PCDH11X: variants seen among roughly 807,000 people sequenced by gnomAD.
PCDH11X encodes the protein protocadherin-11 X-linked.
Under a neutral mutation model 53.3 loss-of-function variants are expected in PCDH11X, and 18 were observed. The ratio of observed to expected loss-of-function variants is 0.34; its 90% CI spans 0.23 to 0.50. The LOEUF (loss-of-function observed/expected upper bound fraction) is 0.50, where lower values mean the gene tolerates loss of function less well. PCDH11X is among the 20% of genes least tolerant of loss of function. The pLI, the probability that PCDH11X is intolerant of heterozygous loss-of-function variation, is 0.98. For missense variants in PCDH11X, 570 were observed against 1,032.4 expected (o/e 0.55, Z 6.14); for synonymous variants, 279 against 393.3 (o/e 0.71, Z 3.44).
chrX:92,584,341 T>C (rs1312008654), intron 10 of PCDH11X, among the ~76,000 whole-genome samples: 2 of 111,341 alleles, frequency 1.8e-5, no homozygotes, highest in African/African-American at 6.5e-5. Flanking sequence ...TTTTGAAATA[T>C]TTAATAAAAT....
intron 7 of PCDH11X, among the ~76,000 whole-genome samples, chrX:92,238,938 A>T (rs979357516): frequency 3.6e-5 from 4 of 110,337 alleles, no homozygotes; most frequent in African/African-American, 1.3e-4. Flanking sequence ...GAGTCAATTT[A>T]TTTTTCATGT....
At chrX:92,273,175 G>A (rs6618938) in intron 8 of PCDH11X, among the ~76,000 whole-genome samples, 5,768 of 110,578 alleles carry the variant, frequency 0.052, 357 homozygotes, top group East Asian at 0.23. Flanking sequence ...GGCTGAGTCC[G>A]AAAAGAGAGT....
chrX:91,809,690 G>A (rs1178544788), intron 2 of PCDH11X, among the ~76,000 whole-genome samples, 56 bp downstream of exon 2: 1 of 104,373 alleles, frequency 9.6e-6, no homozygotes, highest in African/African-American at 3.5e-5. Context: ...TTCCTCAGTC[G>A]CACTAGCCAC....
chrX:92,317,711 T>C (rs2069110516), intron 8 of PCDH11X, among the ~76,000 whole-genome samples: 1 of 111,746 alleles, frequency 8.9e-6, no homozygotes, highest in Non-Finnish European at 1.9e-5. Flanking sequence ...TTTAGTGTAA[T>C]AGACAAGCTC....
intron 6 of PCDH11X, among the ~76,000 whole-genome samples, chrX:92,021,806 T>C (rs1475325366): frequency 9.2e-6 from 1 of 109,136 alleles, no homozygotes; most frequent in Non-Finnish European, 1.9e-5. Flanking sequence ...AAGCCCATCA[T>C]ACTAACAGCA....
chrX:92,050,492 C>G (rs1303734334), intron 6 of PCDH11X, among the ~76,000 whole-genome samples: 18 of 108,125 alleles, frequency 1.7e-4, no homozygotes, highest in Non-Finnish European at 3.1e-4. Context: ...AGTATGGATT[C>G]TGGAGCTAGA....
intron 4 of PCDH11X, among the ~76,000 whole-genome samples, chrX:91,822,745 A>G (rs906613484): frequency 1.4e-4 from 15 of 110,231 alleles, no homozygotes; most frequent in Non-Finnish European, 2.8e-4. Context: ...TTGCTTTTCT[A>G]GTTCTTTTAA....
chrX:92,234,681 G>A (rs1347027309), intron 7 of PCDH11X, among the ~76,000 whole-genome samples: 1 of 102,669 alleles, frequency 9.7e-6, no homozygotes, highest in African/African-American at 4.2e-5. Flanking sequence ...ATAATATAAA[G>A]GGTTTTATAC....
At chrX:92,136,977 C>T in intron 6 of PCDH11X, among the ~76,000 whole-genome samples, 2 of 98,156 alleles carry the variant, frequency 2.0e-5, no homozygotes. Flanking sequence ...ATTTTTGTTT[C>T]TTTTTTCTTT....
intron 10 of PCDH11X, among the ~76,000 whole-genome samples, chrX:92,562,561 AC>A (rs1464052473): frequency 9.4e-6 from 1 of 106,592 alleles, no homozygotes; most frequent in Non-Finnish European, 1.9e-5. Context: ...AAATTTTCAA[AC>A]TTTTACATTA....
chrX:91,807,456 T>TTG (rs1936157368), intron 1 of PCDH11X, among the ~76,000 whole-genome samples: 1 of 110,482 alleles, frequency 9.1e-6, no homozygotes, highest in Admixed American at 9.7e-5. Flanking sequence ...GAGGATGGTT[T>TTG]TGTGTGTGTG....
Position 91,879,309 on chromosome X carries a change from A to AT in PCDH11X, c.3033+43dup, listed in dbSNP as rs746151937. The AT allele has an allele frequency of 2.7e-3, 3,259 of 1,206,078 alleles. 4 individuals carry two copies. Among genetic ancestry groups the AT allele is most frequent in the Non-Finnish European group, 3.5e-3 (3,134 of 893,541 alleles). ...AAGTTTCTAACACAACTTTCTAACT[A>AT]TTTTTTTATTATTATTTTCAGTTGA... On this transcript the variant is annotated intron_variant, in intron 6 of 10. Transcript: ENST00000682573.
At chrX:92,126,333 G>C (rs910594958) in intron 6 of PCDH11X, among the ~76,000 whole-genome samples, 2 of 110,396 alleles carry the variant, frequency 1.8e-5, no homozygotes, top group East Asian at 5.8e-4. Context: ...TTCTCTCCCC[G>C]GGAGTGGTGG....
intron 6 of PCDH11X, among the ~76,000 whole-genome samples, chrX:91,997,450 AT>A (rs1332257074): frequency 1.8e-5 from 2 of 111,272 alleles, no homozygotes; most frequent in Non-Finnish European, 3.8e-5. Flanking sequence ...ATTTTATCAA[AT>A]TTTTTCTGCA....
intron 6 of PCDH11X, among the ~76,000 whole-genome samples, chrX:92,153,537 G>C (rs1467382772): frequency 9.0e-6 from 1 of 111,616 alleles, no homozygotes; most frequent in Non-Finnish European, 1.9e-5. Context: ...AGTGGTTTCA[G>C]ATATTTCTCC....
chrX:91,860,677 TG>T (rs1278201069), intron 5 of PCDH11X, among the ~76,000 whole-genome samples: 2 of 111,957 alleles, frequency 1.8e-5, no homozygotes, highest in Non-Finnish European at 3.8e-5. Context: ...CATGAAGTGT[TG>T]TTGAATTTTA....
intron 10 of PCDH11X, among the ~76,000 whole-genome samples, chrX:92,485,887 A>G (rs1296864173): frequency 9.0e-6 from 1 of 110,928 alleles, no homozygotes; most frequent in African/African-American, 3.3e-5. Context: ...CTGAGCATTA[A>G]TTTTTTATGT....
intron 7 of PCDH11X, among the ~76,000 whole-genome samples, chrX:92,214,920 T>C (rs2066662856): frequency 9.0e-6 from 1 of 111,509 alleles, no homozygotes; most frequent in East Asian, 2.8e-4. Context: ...TGCTAACACA[T>C]GCCTGTAGTC....
At chrX:92,066,476 G>A (rs1320054770) in intron 6 of PCDH11X, among the ~76,000 whole-genome samples, 1 of 108,108 alleles carries the variant, frequency 9.3e-6, no homozygotes, top group Non-Finnish European at 1.9e-5. Context: ...TGATTGATGA[G>A]CATGGAATAT....
Sources: allele counts gnomAD v4.1 joint callset (sites outside exome capture counted in the v4.1 genomes callset), GRCh38; gene constraint gnomAD v4.1.1; transcripts MANE v1.5; gene names NCBI Gene and HGNC (gene_info 2026-07-23, HGNC 2026-07-21).